The following NUP98 variants were observed in gnomAD, a reference collection of about 807,000 sequenced individuals.
The protein encoded by NUP98 is nucleoporin 98 and 96 precursor.
Under a neutral mutation model 191.9 loss-of-function variants are expected in NUP98, and 26 were observed. The observed-to-expected ratio is 0.14, with a 90% CI of 0.10 to 0.19. The LOEUF is 0.19. Among genes scored for constraint, NUP98 ranks in the 10% least tolerant of loss-of-function variants. The probability of loss-of-function intolerance (pLI) is 1.00; values close to 1 mark genes in which losing one functional copy is unlikely to be tolerated. For synonymous variants in NUP98, 808 were observed against 778.4 expected (o/e 1.04, Z -0.63); for missense variants, 1,941 against 2,178.8 (o/e 0.89, Z 2.17).
Position 3,683,250 on chromosome 11 carries a change from G to C in NUP98, c.4868C>G (p.Ala1623Gly). The C allele has an allele frequency of 6.2e-7, 1 of 1,614,182 alleles. No homozygotes were observed. Residue 1623 changes from alanine (A) to glycine (G), a missense_variant, in exon 30 of 33, where the codon GCT (alanine) becomes GGT (glycine). Ala to Gly is a moderately conservative substitution (Grantham distance 60). Transcript: ENST00000324932. ...KHLEALCLFK[A>G]EHWNRCHKLI... The stretch of plus-strand genomic sequence containing the variant: ...CTTGTGGCAGCGGTTCCAGTGCTCA[G>C]CCTTAAATAAGCAAAGGGCCTCTAA...
chr11:3,751,383 T>C (rs1487490139), intron 11 of NUP98, among the ~76,000 whole-genome samples: 3 of 151,856 alleles, frequency 2.0e-5, no homozygotes, highest in African/African-American at 7.3e-5. Context: ...AATATAATCC[T>C]AAACCCTAAA....
At chr11:3,724,789 A>AAAAAAAAAAAAAAAAAAAAAAAG (rs1259105482) in intron 15 of NUP98, among the ~76,000 whole-genome samples, 3 of 150,258 alleles carry the variant, frequency 2.0e-5, no homozygotes, top group African/African-American at 7.4e-5. Context: ...TCAAAAAAAA[A>AAAAAAAAAAAAAAAAAAAAAAAG]AAAGAAAGAA....
At chr11:3,677,027 C>A (rs543032639) in intron 31 of NUP98, among the ~76,000 whole-genome samples, 1 of 152,160 alleles carries the variant, frequency 6.6e-6, no homozygotes, top group African/African-American at 2.4e-5. Flanking sequence ...TCTAAAACAC[C>A]AAAAAAGCTG....
At chr11:3,712,821 GAA>G in intron 19 of NUP98, 93 bp from the exon 20 acceptor site, 1 of 1,297,786 alleles carries the variant, frequency 7.7e-7, no homozygotes, top group Non-Finnish European at 1.1e-6. Context: ...TAAGAAAAAA[GAA>G]AGAAAAGGGG....
At position 3,675,985 on chromosome 11, in the gene NUP98, G is replaced by A. The variant is rs1171463609; in HGVS notation, c.*174C>T. On this transcript the variant is annotated 3_prime_UTR_variant, in exon 33 of 33. Transcript: ENST00000324932. ...TGGGTTCCAGAAGCCCTTATGCTAC[G>A]TTCAGTATTAAGAAAAGCCCTGAAC... is the stretch of plus-strand genomic sequence containing the variant. 4.9e-6 allele frequency: 3 copies of A among 617,182 alleles called. No individual in the cohort carries two copies. Among genetic ancestry groups the A allele is most frequent in the East Asian group, 2.8e-5 (1 of 36,324 alleles). The allele number at this position is 617,182 out of a possible 1,614,324, so 38.2% of individuals were successfully genotyped here. A position where few individuals can be genotyped will look rare whatever the true frequency, so the allele number is the denominator to read the frequency against.
intron 1 of NUP98, among the ~76,000 whole-genome samples, chr11:3,786,626 T>C (rs1388008552): frequency 2.0e-5 from 3 of 152,332 alleles, no homozygotes; most frequent in South Asian, 2.1e-4. Context: ...ATACACCCAG[T>C]AGTCCAATCA....
chr11:3,703,929 C>G (rs1477852152), intron 22 of NUP98, among the ~76,000 whole-genome samples: 1 of 152,164 alleles, frequency 6.6e-6, no homozygotes, highest in Non-Finnish European at 1.5e-5. Context: ...CTCAAGCCAT[C>G]CTCCTTCCTC....
At chr11:3,786,980 GATGA>G (rs1175828791) in intron 1 of NUP98, among the ~76,000 whole-genome samples, 1 of 152,218 alleles carries the variant, frequency 6.6e-6, no homozygotes, top group Admixed American at 6.5e-5. Flanking sequence ...ATATTTGTTA[GATGA>G]ATGGACTGTA....
Position 3,675,400 on chromosome 11 carries a change from G to C in NUP98, c.*759C>G, listed in dbSNP as rs1315809691. 2 of 224,592 alleles carry C rather than the reference G, an allele frequency of 8.9e-6. No individual in the cohort carries two copies. The highest frequency in any genetic ancestry group is 1.8e-5 in the Non-Finnish European group (2 of 113,126). 13.9% of individuals were successfully genotyped at this position (224,592 alleles called of 1,614,324 possible). A position where few individuals can be genotyped will look rare whatever the true frequency, so the allele number is the denominator to read the frequency against. ...GCCATTTTTTATCCAAACTCTGCAG[G>C]CAAATCCAGACAGAGTCTCAGCAAG... On this transcript the variant is annotated 3_prime_UTR_variant, in exon 33 of 33. Transcript: ENST00000324932.
At chr11:3,761,635 T>C (rs2081172188) in intron 9 of NUP98, among the ~76,000 whole-genome samples, 1 of 152,086 alleles carries the variant, frequency 6.6e-6, no homozygotes, top group Non-Finnish European at 1.5e-5. Context: ...GGCGGGCGCC[T>C]GTAATCCCAG....
intron 1 of NUP98, among the ~76,000 whole-genome samples, chr11:3,794,289 T>C (rs1399280130): frequency 6.6e-6 from 1 of 152,166 alleles, no homozygotes; most frequent in Non-Finnish European, 1.5e-5. Context: ...AATGTTTACC[T>C]ACCTTGCCTC....
chr11:3,691,268 A>G, intron 28 of NUP98, 79 bp downstream of exon 28: 5 of 1,522,652 alleles, frequency 3.3e-6, no homozygotes, highest in Non-Finnish European at 4.5e-6. Flanking sequence ...GGGACATATA[A>G]AAGGGAAAGG....
intron 19 of NUP98, 110 bp downstream of exon 19, chr11:3,713,708 G>T: frequency 9.6e-7 from 1 of 1,043,762 alleles, no homozygotes; most frequent in South Asian, 1.6e-5. Flanking sequence ...AACAGAGCAA[G>T]AACCCCATCA....
chr11:3,678,849 G>A (rs1390305154), intron 31 of NUP98, among the ~76,000 whole-genome samples: 3 of 152,118 alleles, frequency 2.0e-5, no homozygotes, highest in Middle Eastern at 3.4e-3. Flanking sequence ...GCAGGCGTGC[G>A]GTAAGCTCAT....
chr11:3,744,860 G>A (rs922230827), intron 11 of NUP98, among the ~76,000 whole-genome samples: 1 of 152,174 alleles, frequency 6.6e-6, no homozygotes, highest in Non-Finnish European at 1.5e-5. Flanking sequence ...ATCTCTCTGT[G>A]CTTCAGTTTC....
At chr11:3,729,382 G>A (rs1181951937) in intron 14 of NUP98, among the ~76,000 whole-genome samples, 9 of 151,640 alleles carry the variant, frequency 5.9e-5, no homozygotes, top group Non-Finnish European at 1.3e-4. Context: ...TCAAGGAGGA[G>A]GGACAAGATC....
chr11:3,735,077 A>T, intron 13 of NUP98, 114 bp downstream of exon 13: 2 of 937,114 alleles, frequency 2.1e-6, no homozygotes, highest in Non-Finnish European at 2.9e-6. Context: ...TTAAAAAATT[A>T]ATTACACCTA....
chr11:3,698,628 G>A (rs540935276), intron 25 of NUP98, among the ~76,000 whole-genome samples: 1 of 150,228 alleles, frequency 6.7e-6, no homozygotes, highest in South Asian at 2.1e-4. Context: ...TTGGGAGGCT[G>A]AGGCAAGAGA....
chr11:3,728,178 C>A (rs2079695949), intron 14 of NUP98, among the ~76,000 whole-genome samples: 1 of 152,150 alleles, frequency 6.6e-6, no homozygotes, highest in Non-Finnish European at 1.5e-5. Flanking sequence ...GCATGCCTAT[C>A]GTGTCCTAAC....
Sources: allele counts gnomAD v4.1 joint callset (sites outside exome capture counted in the v4.1 genomes callset), GRCh38; gene constraint gnomAD v4.1.1; transcripts MANE v1.5; gene names NCBI Gene and HGNC (gene_info 2026-07-23, HGNC 2026-07-21).